The following LOXHD1 variants were observed in gnomAD, a reference collection of about 807,000 sequenced individuals.
The protein encoded by LOXHD1 is lipoxygenase homology domain-containing protein 1.
A neutral mutation model predicts 248.2 loss-of-function variants in LOXHD1; 205 were observed. The ratio of observed to expected loss-of-function variants is 0.83; its 90% CI spans 0.74 to 0.93. The LOEUF (loss-of-function observed/expected upper bound fraction) is 0.93, where lower values mean the gene tolerates loss of function less well. Ranked by LOEUF, LOXHD1 falls within the 40% of genes least tolerant of loss-of-function variation. LOXHD1 has a pLI of 0.00. For synonymous variants in LOXHD1, 1,113 were observed against 1,162.8 expected (o/e 0.96, Z 0.87); for missense variants, 2,930 against 2,971.6 (o/e 0.99, Z 0.33).
chr18:46,594,248 T>C (rs2038222584), intron 9 of LOXHD1, 83 bp downstream of exon 9: 5 of 1,522,612 alleles, frequency 3.3e-6, no homozygotes, highest in South Asian at 1.2e-5. Flanking sequence ...ACTGCCCTCA[T>C]AGCTTTTGCC....
At chr18:46,645,925 G>A (rs2039023472) in intron 2 of LOXHD1, among the ~76,000 whole-genome samples, 2 of 152,322 alleles carry the variant, frequency 1.3e-5, no homozygotes, top group South Asian at 2.1e-4. Flanking sequence ...CATGACGAGA[G>A]ATCACGGAGG....
intron 5 of LOXHD1, among the ~76,000 whole-genome samples, chr18:46,614,335 A>T (rs1408997334): frequency 6.6e-6 from 1 of 152,250 alleles, no homozygotes; most frequent in South Asian, 2.1e-4. Context: ...TTCATCAATG[A>T]TAGACTGGAT....
chr18:46,520,541 A>C, intron 33 of LOXHD1: 1 of 325,678 alleles, frequency 3.1e-6, no homozygotes, highest in Non-Finnish European at 5.9e-6. Context: ...AGGTCATTTG[A>C]CCAGTTAGAG....
chr18:46,488,266 G>C (rs114860199), intron 38 of LOXHD1, among the ~76,000 whole-genome samples: 1 of 152,188 alleles, frequency 6.6e-6, no homozygotes, highest in South Asian at 2.1e-4. Flanking sequence ...AAATCACTCC[G>C]TGGAAGACCT....
intron 28 of LOXHD1, among the ~76,000 whole-genome samples, chr18:46,529,613 A>G (rs2035974960): frequency 6.6e-6 from 1 of 152,146 alleles, no homozygotes. Flanking sequence ...ATCTGCCCAT[A>G]TAGCTGCCTG....
chr18:46,527,894 G>A (rs12606091), intron 29 of LOXHD1, among the ~76,000 whole-genome samples: 10,814 of 152,216 alleles, frequency 0.071, 513 homozygotes, highest in Non-Finnish European at 0.1. Flanking sequence ...GAAGTTAGAG[G>A]TAAATGGTTT....
chr18:46,649,342 C>T (rs2039078031), intron 1 of LOXHD1, 73 bp from the exon 2 acceptor site: 1 of 1,316,448 alleles, frequency 7.6e-7, no homozygotes, highest in African/African-American at 1.5e-5. Context: ...CTGGAGAATC[C>T]AGCCCTTGCT....
At position 46,639,802 on chromosome 18, in the gene LOXHD1, T is replaced by C. The variant is rs2038940533; in HGVS notation, c.327-2A>G. The C allele has an allele frequency of 6.4e-7, 1 of 1,551,692 alleles. No individual in the cohort carries two copies. Among genetic ancestry groups the C allele is most frequent in the Non-Finnish European group, 8.7e-7 (1 of 1,146,990 alleles). ...AAGCCCGTGTTGTCATGCTCAATCC[T>C]GAGGCAGAAGCCAAGGCCCACACCA... On this transcript the variant is annotated splice_acceptor_variant, in intron 3 of 40. Transcript: ENST00000642948. LOFTEE classifies it high-confidence loss of function.
At chr18:46,539,460 T>TA (rs35650595) in intron 25 of LOXHD1, among the ~76,000 whole-genome samples, 46,356 of 150,208 alleles carry the variant, frequency 0.31, 8,510 homozygotes, top group East Asian at 0.58. Context: ...GACTCTCTCT[T>TA]AAAAAAAAAA....
chr18:46,652,187 T>C (rs1445588612), intron 1 of LOXHD1, among the ~76,000 whole-genome samples: 1 of 152,114 alleles, frequency 6.6e-6, no homozygotes, highest in Non-Finnish European at 1.5e-5. Flanking sequence ...ATCTAATCTA[T>C]TGTAGCAGGA....
chr18:46,579,911 C>T (rs2037931891), intron 12 of LOXHD1, 127 bp from the exon 13 acceptor site: 4 of 1,128,750 alleles, frequency 3.5e-6, no homozygotes, highest in Non-Finnish European at 5.0e-6. Context: ...GACCTTCCCC[C>T]TTCCTCCCAA....
Position 46,519,065 on chromosome 18 carries a change from C to T in LOXHD1, c.5272-809G>A, listed in dbSNP as rs1045875908. The T allele has an allele frequency of 1.2e-5, 12 of 985,436 alleles. No homozygotes were observed. In the South Asian group the frequency reaches 1.9e-4, roughly 15 times the overall value. 61.0% of individuals were successfully genotyped at this position (985,436 alleles called of 1,614,324 possible). On this transcript the variant is annotated intron_variant, in intron 33 of 40. Transcript: ENST00000642948. Reference sequence around the variant, plus strand: ...GTGTGCCTTCACCAAGCCCCCACCTCGGTTCTTCCTCTGTGAGGCAGCCTC... The same window carrying T: ...GTGTGCCTTCACCAAGCCCCCACCTTGGTTCTTCCTCTGTGAGGCAGCCTC...
At chr18:46,576,644 A>G (rs1376888094) in intron 14 of LOXHD1, among the ~76,000 whole-genome samples, 1 of 152,140 alleles carries the variant, frequency 6.6e-6, no homozygotes, top group Non-Finnish European at 1.5e-5. Flanking sequence ...TACCTTTTCA[A>G]TGTAATTCCT....
chr18:46,491,117 T>A (rs1598832730), intron 37 of LOXHD1, among the ~76,000 whole-genome samples: 1 of 152,190 alleles, frequency 6.6e-6, no homozygotes, highest in African/African-American at 2.4e-5. Flanking sequence ...GGTGTCCAGG[T>A]GGAAGAGACT....
chr18:46,524,086 T>G (rs1481820450), intron 31 of LOXHD1, among the ~76,000 whole-genome samples: 1 of 152,204 alleles, frequency 6.6e-6, no homozygotes, highest in Admixed American at 6.5e-5. Flanking sequence ...CATTTTATTT[T>G]CAGAATCAGA....
At chr18:46,652,352 T>TA (rs1162206062) in intron 1 of LOXHD1, among the ~76,000 whole-genome samples, 2 of 152,236 alleles carry the variant, frequency 1.3e-5, no homozygotes, top group Non-Finnish European at 2.9e-5. Flanking sequence ...AAAATAGGTG[T>TA]ATTTTATTAT....
intron 1 of LOXHD1, among the ~76,000 whole-genome samples, chr18:46,649,893 A>C (rs1157890070): frequency 6.6e-6 from 1 of 152,140 alleles, no homozygotes; most frequent in Non-Finnish European, 1.5e-5. Context: ...TGGAGAGAGA[A>C]GGCAAGAATG....
At chr18:46,608,859 A>T (rs1236199877) in intron 6 of LOXHD1, among the ~76,000 whole-genome samples, 2 of 152,188 alleles carry the variant, frequency 1.3e-5, no homozygotes, top group Admixed American at 1.3e-4. Flanking sequence ...CAGACTAATT[A>T]TGAAAACAGG....
Position 46,577,838 on chromosome 18 carries a change from G to A in LOXHD1, c.1839C>T (p.Thr613=), listed in dbSNP as rs1168341162. ...NADEFTIESV[T]MRNVRRVRIR... ...TCCTCACCCGCCTCACATTCCGCAT[G>A]GTGACAGACTCGATAGTGAACTCGT... The change falls in exon 14 of 41, where the codon ACC becomes ACT. Residue 613 remains threonine, a synonymous_variant. Transcript: ENST00000642948. 3.9e-6 allele frequency: 6 copies of A among 1,551,512 alleles called. No individual in the cohort carries two copies. The African/African-American group carries it at 8.2e-5, about 21-fold the overall frequency.
Sources: allele counts gnomAD v4.1 joint callset (sites outside exome capture counted in the v4.1 genomes callset), GRCh38; gene constraint gnomAD v4.1.1; transcripts MANE v1.5; gene names NCBI Gene and HGNC (gene_info 2026-07-23, HGNC 2026-07-21).